Variants in MSRA observed in about 807,000 individuals in gnomAD.
MSRA encodes methionine sulfoxide reductase A.
MSRA carries 54 observed loss-of-function variants against 31.3 expected under a neutral mutation model. The ratio of observed to expected loss-of-function variants is 1.73; its 90% CI spans 1.39 to 2.17. The LOEUF (loss-of-function observed/expected upper bound fraction) is 2.17. Among genes scored for constraint, MSRA ranks in the 30% most tolerant of loss-of-function variants. The pLI is 0.00. For synonymous variants in MSRA, 169 were observed against 116.5 expected, an observed-to-expected ratio of 1.45 and a Z score of -2.90; for missense variants, 507 against 300.9, an observed-to-expected ratio of 1.69 and a Z score of -5.07.
rs866131347 is a variant in MSRA at position 10,347,444 on chromosome 8, T to G, written c.543+27455T>G. ...TGTCCTGATTTGTAAAGTCCCACCA[T>G]GCTCACAAACACTCTGCCTTGCCCC... On this transcript the variant is annotated intron_variant, in intron 5 of 5. Transcript: ENST00000317173. Among the ~76,000 whole-genome samples, 6 of 152,314 alleles carry G rather than the reference T, an allele frequency of 3.9e-5. No homozygotes were observed. The South Asian group carries it at 8.3e-4, about 21-fold the overall frequency.
At chr8:10,278,581 C>T (rs1054628506) in intron 3 of MSRA, among the ~76,000 whole-genome samples, 2 of 152,326 alleles carry the variant, frequency 1.3e-5, no homozygotes, top group South Asian at 4.1e-4. Flanking sequence ...GCCTGTAGGC[C>T]TTGGCTCAGC....
At chr8:10,123,539 AT>A (rs1162542803) in intron 1 of MSRA, among the ~76,000 whole-genome samples, 1 of 151,858 alleles carries the variant, frequency 6.6e-6, no homozygotes, top group Non-Finnish European at 1.5e-5. Context: ...CCATTTGTCA[AT>A]TTTTTTCTTT....
intron 1 of MSRA, among the ~76,000 whole-genome samples, chr8:10,134,931 G>C (rs1357499805): frequency 1.3e-5 from 2 of 152,212 alleles, no homozygotes; most frequent in Non-Finnish European, 2.9e-5. Flanking sequence ...TGTAGCCTAG[G>C]TGGGCTGTAA....
chr8:10,346,927 TC>T (rs941625606), intron 5 of MSRA, among the ~76,000 whole-genome samples: 2 of 152,276 alleles, frequency 1.3e-5, no homozygotes, highest in African/African-American at 2.4e-5. Context: ...TTTTATATAG[TC>T]AGACTAGTGT....
chr8:10,386,872 T>TAAAAAA (rs61367767), intron 5 of MSRA, among the ~76,000 whole-genome samples: 1 of 132,970 alleles, frequency 7.5e-6, no homozygotes. Flanking sequence ...GTGGATTATT[T>TAAAAAA]AAAAAAAAAA....
intron 1 of MSRA, among the ~76,000 whole-genome samples, chr8:10,054,995 C>T (rs1180209815): frequency 6.6e-6 from 1 of 152,216 alleles, no homozygotes; most frequent in Admixed American, 6.5e-5. Context: ...GCCTTGCTCG[C>T]GGGCGCCCGC....
At chr8:10,072,777 G>T (rs756183695) in intron 1 of MSRA, among the ~76,000 whole-genome samples, 1 of 152,132 alleles carries the variant, frequency 6.6e-6, no homozygotes, top group Non-Finnish European at 1.5e-5. Flanking sequence ...TCTTTCATCA[G>T]CGTTTTGTAA....
chr8:10,364,274 A>G (rs1805031926), intron 5 of MSRA, among the ~76,000 whole-genome samples: 2 of 152,310 alleles, frequency 1.3e-5, no homozygotes, highest in Admixed American at 6.5e-5. Flanking sequence ...ACTGTCATCC[A>G]TGAACACCCA....
intron 3 of MSRA, among the ~76,000 whole-genome samples, chr8:10,277,921 T>G (rs1799411385): frequency 6.6e-6 from 1 of 152,154 alleles, no homozygotes. Context: ...AAACAACTCT[T>G]TACATAGGCA....
chr8:10,273,291 T>C (rs992844018), intron 3 of MSRA, among the ~76,000 whole-genome samples: 3 of 152,242 alleles, frequency 2.0e-5, no homozygotes, highest in Admixed American at 6.5e-5. Flanking sequence ...CACATTATTT[T>C]ACCTGCTCCT....
chr8:10,320,047 C>G, intron 5 of MSRA, 58 bp downstream of exon 5: 1 of 1,159,528 alleles, frequency 8.6e-7, no homozygotes, highest in Non-Finnish European at 1.2e-6. Flanking sequence ...GGGCCAGGTT[C>G]TGATTTTAGA....
intron 3 of MSRA, among the ~76,000 whole-genome samples, chr8:10,267,790 C>T (rs539377411): frequency 1.6e-4 from 25 of 152,256 alleles, no homozygotes; most frequent in African/African-American, 4.1e-4. Context: ...CAAGTGGATT[C>T]AGTGAGAGGA....
chr8:10,381,624 G>T (rs1232707288), intron 5 of MSRA, among the ~76,000 whole-genome samples: 1 of 152,196 alleles, frequency 6.6e-6, no homozygotes, highest in African/African-American at 2.4e-5. Flanking sequence ...CCTTGTGGGT[G>T]GGGCTCTAGG....
intron 3 of MSRA, among the ~76,000 whole-genome samples, chr8:10,271,700 G>A (rs1199247686): frequency 6.7e-6 from 1 of 149,330 alleles, no homozygotes; most frequent in African/African-American, 2.5e-5. Flanking sequence ...AATGATTTAT[G>A]TAATTTCCAT....
At chr8:10,149,624 C>G (rs1274763658) in intron 1 of MSRA, among the ~76,000 whole-genome samples, 1 of 152,010 alleles carries the variant, frequency 6.6e-6, no homozygotes, top group Non-Finnish European at 1.5e-5. Context: ...TTGGTTTTCA[C>G]TGTATTAATT....
intron 1 of MSRA, among the ~76,000 whole-genome samples, chr8:10,191,487 T>C (rs573265170): frequency 2.0e-4 from 31 of 152,362 alleles, no homozygotes; most frequent in Admixed American, 1.6e-3. Context: ...AGCAATCCCC[T>C]GGATAATGCA....
intron 1 of MSRA, among the ~76,000 whole-genome samples, chr8:10,175,990 G>A (rs1428374785): frequency 6.6e-6 from 1 of 152,080 alleles, no homozygotes. Context: ...CTCATGTATA[G>A]CTTTTCCTGA....
At chr8:10,302,137 G>T (rs926248152) in intron 4 of MSRA, among the ~76,000 whole-genome samples, 1 of 152,140 alleles carries the variant, frequency 6.6e-6, no homozygotes, top group African/African-American at 2.4e-5. Context: ...CACAAAGCTT[G>T]CTCATTTAAA....
At chr8:10,078,304 C>G (rs575046158) in intron 1 of MSRA, among the ~76,000 whole-genome samples, 1 of 152,164 alleles carries the variant, frequency 6.6e-6, no homozygotes, top group African/African-American at 2.4e-5. Context: ...TGGTAGAGAC[C>G]AGGATGGAAG....
Sources: gnomAD v4.1 joint callset for allele counts (sites outside exome capture counted in the v4.1 genomes callset) on GRCh38, gnomAD v4.1.1 for gene constraint, MANE v1.5 for transcripts, NCBI Gene and HGNC (gene_info 2026-07-23, HGNC 2026-07-21) for gene names.